The following LIPN variants were observed in gnomAD, a reference collection of about 807,000 sequenced individuals.
LIPN encodes lipase family member N, also known as lipase member N.
In LIPN, 32 loss-of-function variants were observed where a neutral mutation model predicts 43.7. The ratio of observed to expected loss-of-function variants is 0.73; its 90% CI spans 0.55 to 0.98. LIPN has a LOEUF of 0.98. LIPN is among the 50% of genes least tolerant of loss of function. The pLI is 0.00. For missense variants in LIPN, 505 were observed against 483.8 expected (o/e 1.04, Z -0.41); for synonymous variants, 156 against 157.6 (o/e 0.99, Z 0.08).
At chr10:88,771,774 C>A (rs752301077) in intron 7 of LIPN, among the ~76,000 whole-genome samples, 9 of 150,974 alleles carry the variant, frequency 6.0e-5, no homozygotes, top group South Asian at 2.1e-4. Flanking sequence ...AGACCTAGCA[C>A]TGGAATTGCT....
At chr10:88,757,524 T>A (rs74147273), upstream of LIPN, among the ~76,000 whole-genome samples, 1,283 of 152,282 alleles carry the variant, frequency 8.4e-3, 16 homozygotes, top group African/African-American at 0.029. Flanking sequence ...AATATTTTAG[T>A]TAACTATGAT....
intron 5 of LIPN, among the ~76,000 whole-genome samples, chr10:88,768,066 C>T (rs408011): frequency 0.17 from 24,940 of 146,574 alleles, 2,214 homozygotes; most frequent in Non-Finnish European, 0.21. Flanking sequence ...ACACACATGC[C>T]AGTGGAGGCC....
In LIPN at chr10:88,778,183, C is replaced by A. The variant is rs1003719426; in HGVS notation, c.1138C>A (p.Leu380Ile). 3.7e-6 allele frequency: 6 copies of A among 1,613,176 alleles called. No homozygotes were observed. The Admixed American group carries it at 1.0e-4, about 27-fold the overall frequency. ...GAACCACTTTGATTTTGTCTGGGGC[C>A]TCGATGCCCCTCAACGGATGTACAG... Reference protein sequence around the residue: ...DWNHFDFVWGLDAPQRMYSEI... With the variant: ...DWNHFDFVWGIDAPQRMYSEI... The change falls in exon 10 of 10, where the codon CTC becomes ATC. Residue 380 changes from leucine to isoleucine, a missense_variant. Coordinates refer to ENST00000404459, the MANE Select transcript of LIPN (RefSeq NM_001102469.2).
In LIPN at chr10:88,774,558, C is replaced by A; in HGVS notation, c.891+14C>A. 6.3e-7 allele frequency: 1 copy of A among 1,586,264 alleles called. No individual in the cohort carries two copies. The highest frequency in any genetic ancestry group is 1.1e-5 in the South Asian group (1 of 90,454). On this transcript the variant is annotated intron_variant, in intron 8 of 9. Coordinates refer to ENST00000404459, the MANE Select transcript of LIPN (RefSeq NM_001102469.2). Reference sequence around the variant, plus strand: ...CATATAAAACAGGTAGAGTCTTAGTCATGGAAAACCATTCCAATCCTTATT... The same window carrying A: ...CATATAAAACAGGTAGAGTCTTAGTAATGGAAAACCATTCCAATCCTTATT...
chr10:88,761,262 T>C, intron 1 of LIPN, 136 bp from the exon 2 acceptor site: 1 of 633,382 alleles, frequency 1.6e-6, no homozygotes. Context: ...ACTGTATTTA[T>C]TCCTTTTTAT....
At chr10:88,767,685 A>C (rs1044616411) in intron 5 of LIPN, among the ~76,000 whole-genome samples, 6 of 110,720 alleles carry the variant, frequency 5.4e-5, no homozygotes, top group Admixed American at 1.1e-4. Context: ...AAAAAAAAAA[A>C]AAAAAAACCA....
chr10:88,778,107 G>C lies in LIPN; in HGVS notation c.1062G>C (p.Arg354Ser), dbSNP rs78574732. 5,050 of 1,613,634 alleles carry C rather than the reference G, an allele frequency of 3.1e-3. 123 individuals are homozygous for C. In the African/African-American group the frequency reaches 0.059, roughly 19 times the overall value. ...TCGTAACACCCCAGGATGTGGCCAGGATACTCCCTCAAATCAAGAGTCTTC... is the reference window on the plus strand; with the variant it reads ...TCGTAACACCCCAGGATGTGGCCAGCATACTCCCTCAAATCAAGAGTCTTC... ...DVLVTPQDVA[R>S]ILPQIKSLHY... The change falls in exon 10 of 10, where the codon AGG (arginine) becomes AGC (serine). Residue 354 changes from arginine (R) to serine (S), a missense_variant. Transcript: ENST00000404459.
intron 9 of LIPN, 69 bp downstream of exon 9, chr10:88,775,232 G>A: frequency 9.2e-7 from 1 of 1,091,138 alleles, no homozygotes; most frequent in Non-Finnish European, 1.3e-6. Flanking sequence ...TTTGAGGGTG[G>A]AAAGACTCCT....
In LIPN at chr10:88,779,407, C is replaced by T. The variant is rs188149521; in HGVS notation, c.*1165C>T. ...CTAGCATTCATCAATTTAATGTATA[C>T]GTATTGATGGGGAATAATGGTCACT... On this transcript the variant is annotated 3_prime_UTR_variant, in exon 10 of 10. Transcript: ENST00000404459. 9.3e-4 allele frequency among the ~76,000 whole-genome samples: 141 copies of T among 152,124 alleles called. No homozygotes were observed. Among genetic ancestry groups the T allele is most frequent in the African/African-American group, 3.2e-3 (131 of 41,504 alleles).
Position 88,769,620 on chromosome 10 carries a change from A to G in LIPN, c.672+692A>G, listed in dbSNP as rs992094593. 3.1e-6 allele frequency: 3 copies of G among 980,496 alleles called. No homozygotes were observed. The African/African-American group carries it at 5.3e-5, about 17-fold the overall frequency. The allele number at this position is 980,496 out of a possible 1,614,324, so 60.7% of individuals were successfully genotyped here. ...TTGGCCTTTGAACTTGGGATGATGGATAAAATGGATTTGGGCCAAAATTGA... is the reference window on the plus strand; with the variant it reads ...TTGGCCTTTGAACTTGGGATGATGGGTAAAATGGATTTGGGCCAAAATTGA... On this transcript the variant is annotated intron_variant, in intron 6 of 9. Coordinates refer to ENST00000404459, the MANE Select transcript of LIPN (RefSeq NM_001102469.2).
chr10:88,762,119 T>C (rs907815689), intron 2 of LIPN, 69 bp from the exon 3 acceptor site: 4 of 758,126 alleles, frequency 5.3e-6, no homozygotes, highest in Non-Finnish European at 9.1e-6. Flanking sequence ...ACACAACAGA[T>C]GGTTTGTTTT....
At chr10:88,771,023 C>G in intron 7 of LIPN, 32 bp downstream of exon 7, 1 of 1,502,578 alleles carries the variant, frequency 6.7e-7, no homozygotes, top group Non-Finnish European at 9.0e-7. Flanking sequence ...CCATTTGATA[C>G]CTTAAGAAAT....
rs1019048831 is a variant in LIPN, at chr10:88,779,258, G to A, written c.*1016G>A. 7.2e-5 allele frequency among the ~76,000 whole-genome samples: 11 copies of A among 152,316 alleles called. No individual in the cohort carries two copies. The highest frequency in any genetic ancestry group is 2.6e-4 in the African/African-American group (11 of 41,574). On this transcript the variant is annotated 3_prime_UTR_variant, in exon 10 of 10. Coordinates refer to ENST00000404459, the MANE Select transcript of LIPN (RefSeq NM_001102469.2). Reference sequence around the variant, plus strand: ...AATCTGATCAAGTGTTCTGATGCAGGCTGATATCCTTCTGTGCTAAGAGAG... The same window carrying A: ...AATCTGATCAAGTGTTCTGATGCAGACTGATATCCTTCTGTGCTAAGAGAG...
chr10:88,768,677 A>G (rs1225498891), intron 5 of LIPN, 115 bp from the exon 6 acceptor site: 3 of 733,450 alleles, frequency 4.1e-6, no homozygotes, highest in Non-Finnish European at 6.6e-6. Flanking sequence ...CTTCCAATTC[A>G]TCCCCAGTAT....
chr10:88,762,605 A>AC (rs1843021113), intron 3 of LIPN, among the ~76,000 whole-genome samples: 1 of 152,024 alleles, frequency 6.6e-6, no homozygotes, highest in Admixed American at 6.6e-5. Context: ...TATCATGTGG[A>AC]AAATTGCTTT....
chr10:88,766,234 C>T, intron 4 of LIPN, 35 bp from the exon 5 acceptor site: 1 of 1,014,180 alleles, frequency 9.9e-7, no homozygotes, highest in Non-Finnish European at 1.6e-6. Context: ...CTTAAACTTG[C>T]AAGTATTTAT....
chr10:88,774,466 C>G lies in LIPN; in HGVS notation c.820-7C>G, dbSNP rs1233104828. The G allele has an allele frequency of 6.2e-7, 1 of 1,605,046 alleles. No homozygotes were observed. Among genetic ancestry groups the G allele is most frequent in the Admixed American group, 1.7e-5 (1 of 59,426 alleles). On this transcript the variant is annotated splice_polypyrimidine_tract_variant and splice_region_variant and intron_variant, in intron 7 of 9. Transcript: ENST00000404459. ...AATTGCTGTAATATGAGTTTTATCT[C>G]CTTTAGAGTCGAATGGATGTGTATA... is the stretch of plus-strand genomic sequence containing the variant.
Position 88,770,083 on chromosome 10 carries a change from C to T in LIPN, c.673-762C>T, listed in dbSNP as rs781372926. Among the ~76,000 whole-genome samples the T allele has an allele frequency of 1.6e-4, 25 of 151,984 alleles. No homozygotes were observed. In the East Asian group the frequency reaches 3.5e-3, roughly 21 times the overall value. On this transcript the variant is annotated intron_variant, in intron 6 of 9. Transcript: ENST00000404459. ...GGTTATCTCAGTTTCACATTTCCCA[C>T]TGTCAATATTCCTGCTACTTTTAAG...
At chr10:88,773,621 G>A (rs1010838995) in intron 7 of LIPN, among the ~76,000 whole-genome samples, 1 of 151,816 alleles carries the variant, frequency 6.6e-6, no homozygotes, top group Non-Finnish European at 1.5e-5. Context: ...CACATCCACA[G>A]ACTGGTGTGG....
Sources: gnomAD v4.1 joint callset for allele counts (sites outside exome capture counted in the v4.1 genomes callset) on GRCh38, gnomAD v4.1.1 for gene constraint, MANE v1.5 for transcripts, NCBI Gene and HGNC (gene_info 2026-07-23, HGNC 2026-07-21) for gene names.